The following LRRC8C variants were observed in gnomAD, a reference collection of about 807,000 sequenced individuals.
LRRC8C encodes the protein volume-regulated anion channel subunit LRRC8C.
Under a neutral mutation model 55.3 loss-of-function variants are expected in LRRC8C, and 20 were observed. The observed-to-expected ratio is 0.36, with a 90% confidence interval of 0.25 to 0.53. LRRC8C has a LOEUF of 0.53. Ranked by LOEUF, LRRC8C falls within the 20% of genes least tolerant of loss-of-function variation. The pLI, the probability that LRRC8C is intolerant of heterozygous loss-of-function variation, is 0.92. For synonymous variants in LRRC8C, 376 were observed against 360.7 expected (o/e 1.04, Z -0.48); for missense variants, 659 against 951.4 (o/e 0.69, Z 4.04).
intron 1 of LRRC8C, among the ~76,000 whole-genome samples, chr1:89,677,309 A>C (rs916410973): frequency 1.3e-5 from 2 of 152,218 alleles, no homozygotes; most frequent in Non-Finnish European, 2.9e-5. Flanking sequence ...GGAAGTATTC[A>C]TTGGGTTGCA....
chr1:89,714,469 T>C lies in LRRC8C; in HGVS notation c.1899T>C (p.Phe633=). 6.2e-7 allele frequency: 1 copy of C among 1,614,154 alleles called. No individual in the cohort carries two copies. Among genetic ancestry groups the C allele is most frequent in the Non-Finnish European group, 8.5e-7 (1 of 1,180,022 alleles). Residue 633 remains phenylalanine (F), a synonymous_variant, in exon 3 of 3, where the codon TTT becomes TTC. Coordinates refer to ENST00000370454, the MANE Select transcript of LRRC8C (RefSeq NM_032270.5). This position sits in a 1 kb window ranked among gnomAD's most constrained non-coding sequence, Gnocchi z 4.6. ...NLKSIEEIVS[F]QHLRKLTVLK... is the part of the protein sequence containing the mutation. ...AATCTATAGAAGAAATCGTTAGCTT[T>C]CAGCACTTAAGAAAGTTGACAGTGC...
intron 1 of LRRC8C, among the ~76,000 whole-genome samples, chr1:89,667,296 C>T (rs1256517275): frequency 6.6e-6 from 1 of 152,084 alleles, no homozygotes; most frequent in Non-Finnish European, 1.5e-5. Flanking sequence ...TGTGGAGCCC[C>T]TCCACTTGGG....
At chr1:89,711,441 T>A (rs978783673) in intron 2 of LRRC8C, among the ~76,000 whole-genome samples, 1 of 152,232 alleles carries the variant, frequency 6.6e-6, no homozygotes, top group Non-Finnish European at 1.5e-5. Context: ...CACTAAACAT[T>A]GTGGATTTTC....
the LRRC8C span, among the ~76,000 whole-genome samples, chr1:89,623,392 A>C: frequency 6.6e-6 from 1 of 152,154 alleles, no homozygotes; most frequent in African/African-American, 2.4e-5. Flanking sequence ...TCTCTATTGA[A>C]TCTTCCTCAG....
intron 1 of LRRC8C, among the ~76,000 whole-genome samples, chr1:89,666,169 A>G (rs1657257476): frequency 6.6e-6 from 1 of 152,194 alleles, no homozygotes; most frequent in Admixed American, 6.5e-5. Context: ...CAAATGATCA[A>G]TGATTGCTAT....
In LRRC8C at chr1:89,714,087, TC is replaced by T. The variant is rs762972819; in HGVS notation, c.1524del (p.Trp509GlyfsTer13). On this transcript the variant is annotated frameshift_variant, in exon 3 of 3. Transcript: ENST00000370454. LOFTEE classifies it high-confidence loss of function. This position sits in a 1 kb window ranked among gnomAD's most constrained non-coding sequence, Gnocchi z 4.6. ...GTCAAGTTTGATGACATGAGGGAAC[TC>T]CCCCCCTGGATGTATGGGCTCCGAA... Reference protein sequence around the residue: ...LSVKFDDMRELPPWMYGLRNL... With the variant: ...LSVKFDDMREXPPWMYGLRNL... The T allele has an allele frequency of 6.2e-7, 1 of 1,613,680 alleles. No individual in the cohort carries two copies. The highest frequency in any genetic ancestry group is 1.1e-5 in the South Asian group (1 of 91,054).
intron 1 of LRRC8C, among the ~76,000 whole-genome samples, chr1:89,658,434 G>A (rs992607893): frequency 3.3e-5 from 5 of 152,180 alleles, no homozygotes; most frequent in African/African-American, 1.2e-4. Context: ...CTGAGGCTCA[G>A]TAAAGTTTTA....
At chr1:89,634,652 T>G (rs1570683731) in intron 1 of LRRC8C, among the ~76,000 whole-genome samples, 1 of 152,356 alleles carries the variant, frequency 6.6e-6, no homozygotes, top group East Asian at 1.9e-4. Context: ...TTCTGTTTAT[T>G]TTTAAATAAT....
chr1:89,704,245 T>C (rs976532350), intron 2 of LRRC8C, among the ~76,000 whole-genome samples: 1 of 152,150 alleles, frequency 6.6e-6, no homozygotes, highest in Non-Finnish European at 1.5e-5. Flanking sequence ...TTCTATGTCC[T>C]CATCTCTCTG....
At chr1:89,618,990 T>C in the LRRC8C span, among the ~76,000 whole-genome samples, 1 of 152,208 alleles carries the variant, frequency 6.6e-6, no homozygotes, top group Non-Finnish European at 1.5e-5. Flanking sequence ...TGCTTTAGAG[T>C]ACGAGGTCCT....
At chr1:89,627,130 C>A in the LRRC8C span, among the ~76,000 whole-genome samples, 1 of 152,100 alleles carries the variant, frequency 6.6e-6, no homozygotes, top group African/African-American at 2.4e-5. Context: ...ATAAAAGACA[C>A]TTTTTTCACC....
At chr1:89,678,554 G>A (rs908705446) in intron 1 of LRRC8C, among the ~76,000 whole-genome samples, 11 of 152,148 alleles carry the variant, frequency 7.2e-5, no homozygotes, top group Non-Finnish European at 1.6e-4. Context: ...TACAAAATTA[G>A]CTGGGCATGG....
chr1:89,683,484 A>G (rs1657786176), intron 1 of LRRC8C, among the ~76,000 whole-genome samples: 1 of 151,824 alleles, frequency 6.6e-6, no homozygotes, highest in Non-Finnish European at 1.5e-5. Context: ...CAGCCTCCCA[A>G]GTAGCTGGGA....
At chr1:89,619,158 A>G in the LRRC8C span, among the ~76,000 whole-genome samples, 1 of 152,144 alleles carries the variant, frequency 6.6e-6, no homozygotes, top group African/African-American at 2.4e-5. Flanking sequence ...TCTTTTTTCA[A>G]AATTATTGGT....
At chr1:89,664,047 A>C (rs1657190299) in intron 1 of LRRC8C, among the ~76,000 whole-genome samples, 1 of 152,180 alleles carries the variant, frequency 6.6e-6, no homozygotes, top group Admixed American at 6.5e-5. Context: ...AATAGATTGC[A>C]AAAAATTTCT....
intron 2 of LRRC8C, among the ~76,000 whole-genome samples, chr1:89,694,140 A>G (rs1051924781): frequency 6.6e-6 from 1 of 152,068 alleles, no homozygotes; most frequent in Non-Finnish European, 1.5e-5. Context: ...TACATCTAGT[A>G]TCAAAAATAT....
chr1:89,685,002 A>G (rs576654182), intron 1 of LRRC8C, among the ~76,000 whole-genome samples: 1 of 152,316 alleles, frequency 6.6e-6, no homozygotes, highest in Non-Finnish European at 1.5e-5. Context: ...GAAAGTCACA[A>G]TGCAGCAAGA....
At chr1:89,618,240 A>G in the LRRC8C span, among the ~76,000 whole-genome samples, 7 of 152,194 alleles carry the variant, frequency 4.6e-5, no homozygotes, top group Admixed American at 1.3e-4. Flanking sequence ...TCATTTGCAT[A>G]ACAAAGAGAC....
At chr1:89,638,726 C>T (rs1246426792) in intron 1 of LRRC8C, among the ~76,000 whole-genome samples, 1 of 152,078 alleles carries the variant, frequency 6.6e-6, no homozygotes, top group African/African-American at 2.4e-5. Context: ...CCCAATTTTA[C>T]ATTGACAAAA....
Sources: allele counts gnomAD v4.1 joint callset (sites outside exome capture counted in the v4.1 genomes callset), GRCh38; gene constraint gnomAD v4.1.1; non-coding constraint Gnocchi (gnomAD v3.1); transcripts MANE v1.5; gene names NCBI Gene and HGNC (gene_info 2026-07-23, HGNC 2026-07-21).